The following NRG1 variants were observed in gnomAD, a reference collection of about 807,000 sequenced individuals.
NRG1 encodes neuregulin 1.
NRG1 carries 18 observed loss-of-function variants against 63.8 expected under a neutral mutation model. The observed-to-expected ratio is 0.28, with a 90% CI of 0.19 to 0.42. The LOEUF (loss-of-function observed/expected upper bound fraction) is 0.42, where lower values mean the gene tolerates loss of function less well. NRG1 is among the 10% of genes least tolerant of loss of function. NRG1 has a pLI of 1.00. For synonymous variants in NRG1, 302 were observed against 301.3 expected (o/e 1.00, Z -0.02); for missense variants, 762 against 814.7 (o/e 0.94, Z 0.79).
At chr8:31,916,211 CT>C (rs979164884) in intron 1 of NRG1, among the ~76,000 whole-genome samples, 9 of 151,088 alleles carry the variant, frequency 6.0e-5, no homozygotes, top group South Asian at 4.2e-4. Flanking sequence ...TTTTCATTTT[CT>C]TTTTTTTTAT....
At chr8:31,859,122 T>C (rs1828232290) in intron 1 of NRG1, among the ~76,000 whole-genome samples, 1 of 152,194 alleles carries the variant, frequency 6.6e-6, no homozygotes, top group Non-Finnish European at 1.5e-5. Flanking sequence ...GATTTAAAAT[T>C]CATGATCTAA....
chr8:32,363,283 C>T (rs1030286412), intron 1 of NRG1, among the ~76,000 whole-genome samples: 2 of 152,148 alleles, frequency 1.3e-5, no homozygotes, highest in Non-Finnish European at 2.9e-5. Flanking sequence ...ACAATAGATG[C>T]CTCATCCTCC....
At chr8:32,267,162 G>GGAAGGAGAAAGAAGGAAA (rs1851061614) in intron 1 of NRG1, among the ~76,000 whole-genome samples, 4 of 146,302 alleles carry the variant, frequency 2.7e-5, no homozygotes, top group African/African-American at 1.1e-4. Flanking sequence ...AAAGAAGGAA[G>GGAAGGAGAAAGAAGGAAA]GAGAAAGAAG....
chr8:32,160,824 G>T (rs1838742694), intron 1 of NRG1, among the ~76,000 whole-genome samples: 1 of 152,160 alleles, frequency 6.6e-6, no homozygotes, highest in Admixed American at 6.5e-5. Context: ...GAAGCCCTCT[G>T]CTTACAAGCA....
At chr8:31,689,407 G>A (rs917021729) in intron 1 of NRG1, among the ~76,000 whole-genome samples, 1 of 152,094 alleles carries the variant, frequency 6.6e-6, no homozygotes, top group Non-Finnish European at 1.5e-5. Context: ...TTATAATTTA[G>A]TACATTATTA....
At chr8:32,302,569 T>C (rs2129475266) in intron 1 of NRG1, among the ~76,000 whole-genome samples, 1 of 144,698 alleles carries the variant, frequency 6.9e-6, no homozygotes, top group South Asian at 2.4e-4. Flanking sequence ...ACTCACTATT[T>C]TATAATGCAT....
intron 1 of NRG1, among the ~76,000 whole-genome samples, chr8:32,373,105 T>A (rs1374709726): frequency 2.0e-5 from 3 of 152,012 alleles, no homozygotes; most frequent in African/African-American, 4.8e-5. Context: ...GTGTGAGAAC[T>A]ATTACTTGAT....
chr8:32,217,417 A>G (rs2132447525), intron 1 of NRG1, among the ~76,000 whole-genome samples: 1 of 152,078 alleles, frequency 6.6e-6, no homozygotes, highest in African/African-American at 2.4e-5. Context: ...CTAGTCAGTC[A>G]ACAGAACACC....
intron 1 of NRG1, among the ~76,000 whole-genome samples, chr8:32,368,320 T>C (rs1808354428): frequency 6.6e-6 from 1 of 152,076 alleles, no homozygotes; most frequent in South Asian, 2.1e-4. Flanking sequence ...TGTAATCCCA[T>C]TGTTTTGGAA....
intron 1 of NRG1, among the ~76,000 whole-genome samples, chr8:32,142,675 C>A (rs1392468692): frequency 6.6e-6 from 1 of 152,140 alleles, no homozygotes; most frequent in Non-Finnish European, 1.5e-5. Flanking sequence ...AGGATTGAAG[C>A]ACAGAGCAAA....
chr8:31,971,329 G>A (rs1285214057), intron 1 of NRG1, among the ~76,000 whole-genome samples: 2 of 152,060 alleles, frequency 1.3e-5, no homozygotes, highest in Admixed American at 1.3e-4. Context: ...TTTTGCTGTA[G>A]TAGCTAGGAA....
intron 1 of NRG1, among the ~76,000 whole-genome samples, chr8:32,022,347 A>G (rs759061904): frequency 3.9e-5 from 6 of 152,148 alleles, no homozygotes; most frequent in Non-Finnish European, 8.8e-5. Flanking sequence ...GACTGCTTCC[A>G]GTGAGTCTGT....
chr8:31,784,464 T>C (rs1819990420), intron 1 of NRG1, among the ~76,000 whole-genome samples: 1 of 152,202 alleles, frequency 6.6e-6, no homozygotes, highest in African/African-American at 2.4e-5. Flanking sequence ...CAACCACTTG[T>C]CCCTAATGCT....
At chr8:32,512,810 C>G (rs1374716524) in intron 1 of NRG1, among the ~76,000 whole-genome samples, 1 of 152,076 alleles carries the variant, frequency 6.6e-6, no homozygotes, top group South Asian at 2.1e-4. Flanking sequence ...CCTTTTTATA[C>G]TTGTATATTG....
intron 1 of NRG1, among the ~76,000 whole-genome samples, chr8:31,674,762 A>C (rs2131019496): frequency 6.6e-6 from 1 of 152,352 alleles, no homozygotes; most frequent in East Asian, 1.9e-4. Context: ...CTTAAAGATT[A>C]CCAAAGCCAT....
At chr8:31,957,998 C>T (rs1021824535) in intron 1 of NRG1, among the ~76,000 whole-genome samples, 1 of 151,880 alleles carries the variant, frequency 6.6e-6, no homozygotes, top group Non-Finnish European at 1.5e-5. Context: ...TCTGTATCCT[C>T]TCTGCCATTC....
chr8:32,155,407 AT>A (rs1020253123), intron 1 of NRG1, among the ~76,000 whole-genome samples: 6 of 151,884 alleles, frequency 4.0e-5, no homozygotes, highest in African/African-American at 1.4e-4. Context: ...CATAAATCTC[AT>A]TTTTTTTCCA....
chr8:31,926,547 TG>T (rs1402724039), intron 1 of NRG1, among the ~76,000 whole-genome samples: 5 of 152,170 alleles, frequency 3.3e-5, no homozygotes. Flanking sequence ...GATTAGGCAT[TG>T]GAATAATGTG....
intron 1 of NRG1, among the ~76,000 whole-genome samples, chr8:31,855,723 T>G (rs1827789424): frequency 6.6e-6 from 1 of 152,210 alleles, no homozygotes; most frequent in Admixed American, 6.5e-5. Flanking sequence ...GTCTTTACAT[T>G]TTGGCATGAT....
Sources: gnomAD v4.1 joint callset for allele counts (sites outside exome capture counted in the v4.1 genomes callset) on GRCh38, gnomAD v4.1.1 for gene constraint, MANE v1.5 for transcripts, NCBI Gene and HGNC (gene_info 2026-07-23, HGNC 2026-07-21) for gene names.